The following PRPH2 variants were observed in gnomAD, a reference collection of about 807,000 sequenced individuals.
The protein encoded by PRPH2 is peripherin-2.
PRPH2 carries 17 observed loss-of-function variants against 31.3 expected under a neutral mutation model. That is an observed-to-expected ratio of 0.54 (90% CI 0.37 to 0.81). The LOEUF (loss-of-function observed/expected upper bound fraction) is 0.81, where lower values mean the gene tolerates loss of function less well. Among genes scored for constraint, PRPH2 ranks in the 40% least tolerant of loss-of-function variants. The pLI is 0.00. For synonymous variants in PRPH2, 165 were observed against 184.4 expected, an observed-to-expected ratio of 0.89 and a Z score of 0.85; for missense variants, 430 against 439.7, an observed-to-expected ratio of 0.98 and a Z score of 0.20.
chr6:42,704,489 C>A lies in PRPH2; in HGVS notation c.704G>T (p.Ser235Ile), dbSNP rs898000114. 1.9e-6 allele frequency: 3 copies of A among 1,614,152 alleles called. No individual in the cohort carries two copies. The highest frequency in any genetic ancestry group is 2.5e-6 in the Non-Finnish European group (3 of 1,180,010). ...GAGCTCCTCCGTCTGGTGGTCGTAA[C>A]TGTAGTGTGCTGAGTTGTTGGTGAT... is the stretch of plus-strand genomic sequence containing the variant. ...YQITNNSAHY[S>I]YDHQTEELNL... Residue 235 changes from serine to isoleucine, a missense_variant, in exon 2 of 3, where the codon AGT (serine) becomes ATT (isoleucine). Transcript: ENST00000230381.
At chr6:42,708,114 C>T (rs986187730) in intron 1 of PRPH2, among the ~76,000 whole-genome samples, 2 of 152,208 alleles carry the variant, frequency 1.3e-5, no homozygotes, top group Admixed American at 6.5e-5. Context: ...AGGGGTGGTA[C>T]TCTGAGCACC....
intron 1 of PRPH2, chr6:42,711,813 C>A (rs1460821523): frequency 5.1e-6 from 5 of 985,412 alleles, no homozygotes; most frequent in Non-Finnish European, 6.0e-6. Flanking sequence ...TTGGTGCCAG[C>A]TTCTCCCTCA....
chr6:42,700,053 G>T (rs1800019328), intron 2 of PRPH2, among the ~76,000 whole-genome samples: 1 of 150,698 alleles, frequency 6.6e-6, no homozygotes, highest in South Asian at 2.1e-4. Context: ...CCGCCTCCCG[G>T]GTTCAAGCAA....
chr6:42,717,001 C>G (rs1761800664), intron 1 of PRPH2, among the ~76,000 whole-genome samples: 1 of 91,008 alleles, frequency 1.1e-5, no homozygotes, highest in East Asian at 3.6e-4. Context: ...GAGGTGAAGT[C>G]TCATTGTGTT....
At chr6:42,719,226 T>A (rs1761849784) in intron 1 of PRPH2, among the ~76,000 whole-genome samples, 1 of 150,930 alleles carries the variant, frequency 6.6e-6, no homozygotes, top group Admixed American at 6.6e-5. Flanking sequence ...TGGAGTACAG[T>A]GGCAAGATCT....
chr6:42,717,344 A>AG (rs1195046888), intron 1 of PRPH2, among the ~76,000 whole-genome samples: 1 of 149,604 alleles, frequency 6.7e-6, no homozygotes, highest in Non-Finnish European at 1.5e-5. Context: ...CAATTGAACC[A>AG]GGGGGGCGAG....
chr6:42,711,188 T>G (rs954378127), intron 1 of PRPH2, among the ~76,000 whole-genome samples: 3 of 152,110 alleles, frequency 2.0e-5, no homozygotes, highest in African/African-American at 7.2e-5. Flanking sequence ...TTAATGCCAT[T>G]ATCATGGGAG....
chr6:42,701,284 C>T (rs950048516), intron 2 of PRPH2, among the ~76,000 whole-genome samples: 6 of 151,982 alleles, frequency 3.9e-5, no homozygotes, highest in African/African-American at 1.2e-4. Flanking sequence ...CCATTAGGCC[C>T]GGCTAATCTT....
chr6:42,719,126 T>G (rs142634278), intron 1 of PRPH2, among the ~76,000 whole-genome samples: 1 of 151,922 alleles, frequency 6.6e-6, no homozygotes, highest in Admixed American at 6.6e-5. Flanking sequence ...AATAAAAATC[T>G]GAATGCTTGC....
intron 1 of PRPH2, among the ~76,000 whole-genome samples, chr6:42,719,629 G>A (rs1004121913): frequency 8.1e-5 from 11 of 136,172 alleles, no homozygotes; most frequent in African/African-American, 3.1e-4. Context: ...GGAGTGCAAT[G>A]GCGAGATCTC....
chr6:42,700,213 G>A (rs939181626), intron 2 of PRPH2, among the ~76,000 whole-genome samples: 34 of 152,120 alleles, frequency 2.2e-4, no homozygotes, highest in African/African-American at 7.2e-4. Context: ...TGATCTGCCC[G>A]CCTCAGCCTC....
At chr6:42,708,493 C>A (rs1164849449) in intron 1 of PRPH2, among the ~76,000 whole-genome samples, 1 of 152,212 alleles carries the variant, frequency 6.6e-6, no homozygotes, top group Non-Finnish European at 1.5e-5. Flanking sequence ...CTCGGGCCTC[C>A]CGCTCCCCTC....
intron 1 of PRPH2, among the ~76,000 whole-genome samples, chr6:42,719,273 T>G (rs1761851229): frequency 6.6e-6 from 1 of 151,048 alleles, no homozygotes; most frequent in South Asian, 2.1e-4. Flanking sequence ...GCTTCTCTGG[T>G]TCAAGCAATT....
At position 42,704,537 on chromosome 6, in the gene PRPH2, G is replaced by GGCATT; in HGVS notation, c.655_656insAATGC (p.Pro219GlnfsTer39). On this transcript the variant is annotated frameshift_variant, in exon 2 of 3. Coordinates refer to ENST00000230381, the MANE Select transcript of PRPH2 (RefSeq NM_000322.5). LOFTEE classifies it high-confidence loss of function. ...GATCTGATACTGGATGCAGGGCCGT[G>GGCATT]GCGAGCTAGGATTGCAGCAGCTGAA... 6.2e-7 allele frequency: 1 copy of GGCATT among 1,614,196 alleles called. No individual in the cohort carries two copies. Among genetic ancestry groups the GGCATT allele is most frequent in the Non-Finnish European group, 8.5e-7 (1 of 1,180,038 alleles).
chr6:42,697,831 A>C lies in PRPH2; in HGVS notation c.*464T>G. On this transcript the variant is annotated 3_prime_UTR_variant, in exon 3 of 3. Transcript: ENST00000230381. Reference sequence around the variant, plus strand: ...GCATTAAAAAAAAAAAAAAAAGACAACATGGCCATTTTTCAGATTTCTGTG... The same window carrying C: ...GCATTAAAAAAAAAAAAAAAAGACACCATGGCCATTTTTCAGATTTCTGTG... The C allele has an allele frequency of 6.6e-6, 1 of 151,768 alleles. No homozygotes were observed. The highest frequency in any genetic ancestry group is 1.4e-5 in the Non-Finnish European group (1 of 69,112). 9.4% of individuals were successfully genotyped at this position (151,768 alleles called of 1,614,324 possible).
chr6:42,706,237 C>T (rs1402356165), intron 1 of PRPH2, among the ~76,000 whole-genome samples: 5 of 151,820 alleles, frequency 3.3e-5, no homozygotes, highest in Non-Finnish European at 5.9e-5. Context: ...AACCCCGTCT[C>T]TACTAAATAT....
In PRPH2 at chr6:42,702,380, T is replaced by C. The variant is rs147743297; in HGVS notation, c.828+1985A>G. 5.7e-3 allele frequency among the ~76,000 whole-genome samples: 870 copies of C among 151,950 alleles called. 5 individuals are homozygous for C. The highest frequency in any genetic ancestry group is 0.024 in the Middle Eastern group (7 of 294). On this transcript the variant is annotated intron_variant, in intron 2 of 2. Coordinates refer to ENST00000230381, the MANE Select transcript of PRPH2 (RefSeq NM_000322.5). ...GACAGTGACTCATTTAAAGGAATCTTTGGGAATCTCCTCAATGGAAAAAGC... is the reference window on the plus strand; with the variant it reads ...GACAGTGACTCATTTAAAGGAATCTCTGGGAATCTCCTCAATGGAAAAAGC...
chr6:42,701,415 G>A lies in PRPH2; in HGVS notation c.829-2908C>T, dbSNP rs1007852534. Among the ~76,000 whole-genome samples the A allele has an allele frequency of 2.0e-5, 3 of 151,816 alleles. 1 individual carries two copies. Among genetic ancestry groups the A allele is most frequent in the Middle Eastern group, 6.3e-3 (2 of 316 alleles). On this transcript the variant is annotated intron_variant, in intron 2 of 2. Transcript: ENST00000230381. ...TGAGATTACAGGCATAAGCCACCGC[G>A]CCTGGCCGTCATTTTTGTGTTTTTT...
intron 2 of PRPH2, among the ~76,000 whole-genome samples, chr6:42,702,636 G>A (rs9381211): frequency 0.27 from 39,897 of 147,990 alleles, 5,859 homozygotes; most frequent in East Asian, 0.46. Context: ...GGCCGAGGCC[G>A]AGGCTGGTGG....
Sources: allele counts gnomAD v4.1 joint callset (sites outside exome capture counted in the v4.1 genomes callset), GRCh38; gene constraint gnomAD v4.1.1; transcripts MANE v1.5; gene names NCBI Gene and HGNC (gene_info 2026-07-23, HGNC 2026-07-21).